Variants in KIAA0825 observed in about 807,000 individuals in gnomAD.
KIAA0825 encodes uncharacterized protein KIAA0825.
Under a neutral mutation model 147.6 loss-of-function variants are expected in KIAA0825, and 119 were observed. That is an observed-to-expected ratio of 0.81 (90% CI 0.69 to 0.94). KIAA0825 has a LOEUF of 0.94. Ranked by LOEUF, KIAA0825 falls within the 40% of genes least tolerant of loss-of-function variation. The pLI, the probability that KIAA0825 is intolerant of heterozygous loss-of-function variation, is 0.00. For synonymous variants in KIAA0825, 470 were observed against 518.1 expected, an observed-to-expected ratio of 0.91 and a Z score of 1.26; for missense variants, 1,381 against 1,472.7, an observed-to-expected ratio of 0.94 and a Z score of 1.02.
At chr5:94,330,322 C>T (rs781212107) in intron 20 of KIAA0825, among the ~76,000 whole-genome samples, 14 of 151,968 alleles carry the variant, frequency 9.2e-5, no homozygotes, top group Non-Finnish European at 1.9e-4. Flanking sequence ...TATTCTGGGC[C>T]GTATAACAAA....
At chr5:94,428,248 A>G (rs73142997) in intron 14 of KIAA0825, among the ~76,000 whole-genome samples, 2 of 151,714 alleles carry the variant, frequency 1.3e-5, no homozygotes, top group Non-Finnish European at 2.9e-5. Context: ...TAGGCCATTT[A>G]CATTCAAGGT....
chr5:94,205,788 C>T (rs1032968824), intron 20 of KIAA0825, among the ~76,000 whole-genome samples: 2 of 152,064 alleles, frequency 1.3e-5, no homozygotes, highest in African/African-American at 4.8e-5. Flanking sequence ...AAGTGTAAGA[C>T]GCACCTGATT....
intron 1 of KIAA0825, among the ~76,000 whole-genome samples, chr5:94,590,289 T>G (rs895426339): frequency 2.6e-5 from 4 of 152,120 alleles, no homozygotes; most frequent in Non-Finnish European, 5.9e-5. Flanking sequence ...GACACAGCAC[T>G]CAGCCTCCAA....
intron 20 of KIAA0825, among the ~76,000 whole-genome samples, chr5:94,265,250 G>T (rs1776690232): frequency 6.6e-6 from 1 of 152,090 alleles, no homozygotes; most frequent in Non-Finnish European, 1.5e-5. Flanking sequence ...GTTATCATTG[G>T]CACTATTCTA....
At chr5:94,246,627 C>T (rs900017578) in intron 20 of KIAA0825, among the ~76,000 whole-genome samples, 1 of 152,144 alleles carries the variant, frequency 6.6e-6, no homozygotes, top group Non-Finnish European at 1.5e-5. Flanking sequence ...TAGAACTTTG[C>T]CATTATGGTG....
At chr5:94,591,494 A>G (rs956741390) in intron 1 of KIAA0825, among the ~76,000 whole-genome samples, 1 of 152,246 alleles carries the variant, frequency 6.6e-6, no homozygotes, top group Non-Finnish European at 1.5e-5. Context: ...ACCCCCCAAA[A>G]AAGCCTGCCT....
At chr5:94,280,433 A>T (rs896247811) in intron 20 of KIAA0825, among the ~76,000 whole-genome samples, 2 of 152,104 alleles carry the variant, frequency 1.3e-5, no homozygotes, top group Non-Finnish European at 2.9e-5. Context: ...TTCATCTATC[A>T]TGAGTACTTG....
chr5:94,599,417 A>T (rs1170769183), intron 1 of KIAA0825, among the ~76,000 whole-genome samples: 1 of 151,172 alleles, frequency 6.6e-6, no homozygotes, highest in African/African-American at 2.4e-5. Context: ...AACAGGGAAA[A>T]TATTAGTCTT....
rs576656777 is a variant in KIAA0825 at position 94,453,434 on chromosome 5, G to C, written c.2247-365C>G. 2.9e-4 allele frequency among the ~76,000 whole-genome samples: 43 copies of C among 148,040 alleles called. No individual in the cohort carries two copies. The Admixed American group carries it at 3.0e-3, about 10-fold the overall frequency. ...ACCCCTGAACTCAGGCAATCCACCC[G>C]CCTTGGCCTCTCAAAGTGCTGGGAT... On this transcript the variant is annotated intron_variant, in intron 12 of 20. Coordinates refer to ENST00000682413, the MANE Select transcript of KIAA0825 (RefSeq NM_001145678.3).
At chr5:94,411,141 T>A (rs1752712829) in intron 15 of KIAA0825, among the ~76,000 whole-genome samples, 1 of 152,150 alleles carries the variant, frequency 6.6e-6, no homozygotes, top group African/African-American at 2.4e-5. Flanking sequence ...GGTATAATGT[T>A]ATTAAAAAGT....
intron 14 of KIAA0825, among the ~76,000 whole-genome samples, chr5:94,433,281 C>A (rs1734649364): frequency 6.6e-6 from 1 of 152,200 alleles, no homozygotes. Context: ...CCAGCCTCAG[C>A]CTCCCAAAGT....
chr5:94,209,304 C>T (rs1262988298), intron 20 of KIAA0825, among the ~76,000 whole-genome samples: 1 of 152,020 alleles, frequency 6.6e-6, no homozygotes, highest in Non-Finnish European at 1.5e-5. Flanking sequence ...ATACACACAC[C>T]CCTGAATAGT....
At chr5:94,353,705 G>C in intron 20 of KIAA0825, among the ~76,000 whole-genome samples, 1 of 152,020 alleles carries the variant, frequency 6.6e-6, no homozygotes, top group Non-Finnish European at 1.5e-5. Flanking sequence ...TACGTGAAAT[G>C]AGGCCATGAA....
intron 20 of KIAA0825, among the ~76,000 whole-genome samples, chr5:94,254,817 G>A (rs1195255600): frequency 1.3e-5 from 2 of 151,956 alleles, no homozygotes; most frequent in South Asian, 2.1e-4. Flanking sequence ...CCATGAGAGT[G>A]CTCTGCCTCT....
chr5:94,240,542 A>G (rs1021419507), intron 20 of KIAA0825, among the ~76,000 whole-genome samples: 2 of 152,228 alleles, frequency 1.3e-5, no homozygotes, highest in Non-Finnish European at 2.9e-5. Flanking sequence ...TGATACTGAA[A>G]AGTGCTGAAT....
intron 20 of KIAA0825, among the ~76,000 whole-genome samples, chr5:94,244,494 G>C (rs1363308953): frequency 6.6e-6 from 1 of 152,000 alleles, no homozygotes; most frequent in African/African-American, 2.4e-5. Flanking sequence ...CACCATGCCT[G>C]GCTAACTTAA....
At chr5:94,494,633 G>A (rs1168062406) in intron 5 of KIAA0825, among the ~76,000 whole-genome samples, 4 of 151,934 alleles carry the variant, frequency 2.6e-5, no homozygotes, top group African/African-American at 9.7e-5. Context: ...ATATGCTAAT[G>A]GTACATTATT....
At chr5:94,337,036 A>C (rs1403258714) in intron 20 of KIAA0825, among the ~76,000 whole-genome samples, 1 of 152,220 alleles carries the variant, frequency 6.6e-6, no homozygotes, top group Non-Finnish European at 1.5e-5. Flanking sequence ...CAAAAACATT[A>C]CCACAGAGTA....
At chr5:94,278,429 T>C (rs911660636) in intron 20 of KIAA0825, among the ~76,000 whole-genome samples, 7 of 152,158 alleles carry the variant, frequency 4.6e-5, no homozygotes, top group African/African-American at 1.7e-4. Context: ...AAATTCAGTA[T>C]GAAAATTTGG....
Sources: allele counts gnomAD v4.1 joint callset (sites outside exome capture counted in the v4.1 genomes callset), GRCh38; gene constraint gnomAD v4.1.1; transcripts MANE v1.5; gene names NCBI Gene and HGNC (gene_info 2026-07-23, HGNC 2026-07-21).